Variants in YY1 observed in about 807,000 individuals in gnomAD.
YY1 encodes transcriptional repressor protein YY1.
A neutral mutation model predicts 35.6 loss-of-function variants in YY1; 2 were observed. The ratio of observed to expected loss-of-function variants is 0.06; its 90% CI spans 0.02 to 0.18. YY1 has a LOEUF of 0.18. YY1 is among the 10% of genes least tolerant of loss of function. YY1 has a pLI of 1.00. For synonymous variants in YY1, 268 were observed against 238.9 expected, an observed-to-expected ratio of 1.12 and a Z score of -1.12; for missense variants, 322 against 573.4, an observed-to-expected ratio of 0.56 and a Z score of 4.48.
chr14:100,249,773 TTTGTTTTTG>T (rs1890897212), intron 1 of YY1, among the ~76,000 whole-genome samples: 2 of 150,478 alleles, frequency 1.3e-5, no homozygotes, highest in African/African-American at 4.9e-5. Context: ...TGTTTTTGTT[TTTGTTTTTG>T]TTTTTTTTTG....
chr14:100,257,025 C>G (rs749204475), intron 1 of YY1, among the ~76,000 whole-genome samples: 39 of 151,980 alleles, frequency 2.6e-4, no homozygotes, highest in Non-Finnish European at 4.9e-4. Context: ...TTTTAGTGAC[C>G]ATCCTGAGGG....
chr14:100,271,726 C>T (rs943928506), intron 2 of YY1, among the ~76,000 whole-genome samples: 11 of 152,116 alleles, frequency 7.2e-5, no homozygotes, highest in African/African-American at 2.2e-4. Context: ...TGGATCGCAG[C>T]CTCAAATTCC....
At chr14:100,246,262 G>GAGGAT (rs1890831904) in intron 1 of YY1, among the ~76,000 whole-genome samples, 1 of 152,234 alleles carries the variant, frequency 6.6e-6, no homozygotes, top group Non-Finnish European at 1.5e-5. Flanking sequence ...CATGGCTAAT[G>GAGGAT]AGGATAGCAC....
At chr14:100,242,378 G>GTTTTTTTTTTTTT (rs57406488) in intron 1 of YY1, among the ~76,000 whole-genome samples, 2 of 109,962 alleles carry the variant, frequency 1.8e-5, no homozygotes, top group African/African-American at 3.1e-5. Context: ...TTTGTTTTTT[G>GTTTTTTTTTTTTT]TTTTTTTTTT....
In YY1 at chr14:100,279,126, A is replaced by G. The variant is rs541481821; in HGVS notation, c.*1526A>G. 6.6e-6 allele frequency: 1 copy of G among 152,390 alleles called. No homozygotes were observed. The highest frequency in any genetic ancestry group is 2.4e-5 in the African/African-American group (1 of 41,598). The allele number at this position is 152,390 out of a possible 1,614,324, so 9.4% of individuals were successfully genotyped here. A position where few individuals can be genotyped will look rare whatever the true frequency, so the allele number is the denominator to read the frequency against. ...TCTCACATTGTAACCTCTTAAATGTACGATTATAATGTTGGATCTTAGGTC... is the reference window on the plus strand; with the variant it reads ...TCTCACATTGTAACCTCTTAAATGTGCGATTATAATGTTGGATCTTAGGTC... On this transcript the variant is annotated 3_prime_UTR_variant, in exon 5 of 5. Coordinates refer to ENST00000262238, the MANE Select transcript of YY1 (RefSeq NM_003403.5).
chr14:100,245,942 C>G (rs1201243523), intron 1 of YY1, among the ~76,000 whole-genome samples: 1 of 152,156 alleles, frequency 6.6e-6, no homozygotes, highest in East Asian at 1.9e-4. Context: ...TAATTATAAA[C>G]TAAGCCACTT....
At chr14:100,240,058 G>A (rs1227103341) in intron 1 of YY1, 135 bp downstream of exon 1, 5 of 779,530 alleles carry the variant, frequency 6.4e-6, no homozygotes, top group South Asian at 6.2e-5. Context: ...CGGGCCGTGC[G>A]GCGGCGGGGG....
chr14:100,273,409 T>C (rs1410697594), intron 2 of YY1, among the ~76,000 whole-genome samples: 1 of 152,242 alleles, frequency 6.6e-6, no homozygotes, highest in African/African-American at 2.4e-5. Flanking sequence ...TGCCTTCGGC[T>C]TCCCGAGTGG....
chr14:100,251,400 C>T (rs1890922330), intron 1 of YY1, among the ~76,000 whole-genome samples: 1 of 152,210 alleles, frequency 6.6e-6, no homozygotes, highest in Admixed American at 6.5e-5. Flanking sequence ...ACCCACACAA[C>T]AACTTTATAG....
intron 1 of YY1, among the ~76,000 whole-genome samples, chr14:100,261,087 G>C (rs780732597): frequency 2.6e-5 from 4 of 152,004 alleles, no homozygotes; most frequent in Non-Finnish European, 5.9e-5. Flanking sequence ...ATGAGCCACT[G>C]CACCTGGCCT....
intron 1 of YY1, among the ~76,000 whole-genome samples, chr14:100,248,301 T>G (rs1890866825): frequency 6.6e-6 from 1 of 151,794 alleles, no homozygotes; most frequent in Non-Finnish European, 1.5e-5. Flanking sequence ...CTTTGTATTT[T>G]TTAGTAGAGA....
In YY1 at chr14:100,242,378, GTTTTTTTTT is replaced by G. The variant is rs57406488; in HGVS notation, c.679+2475_679+2483del. Among the ~76,000 whole-genome samples the G allele has an allele frequency of 3.8e-4, 42 of 109,962 alleles. 1 individual carries two copies. The South Asian group carries it at 6.1e-3, about 16-fold the overall frequency. 72.1% of individuals were successfully genotyped at this position (109,962 alleles called of 152,430 possible). A position where few individuals can be genotyped will look rare whatever the true frequency, so the allele number is the denominator to read the frequency against. ...AAGTGGCTGTTTTGTTTTGTTTTTT[GTTTTTTTTT>G]TTTTTTTTTTTTTTTTTTTGAGATG... On this transcript the variant is annotated intron_variant, in intron 1 of 4. Transcript: ENST00000262238.
chr14:100,244,859 T>G (rs1383819746), intron 1 of YY1, among the ~76,000 whole-genome samples: 4 of 151,986 alleles, frequency 2.6e-5, no homozygotes, highest in African/African-American at 9.7e-5. Flanking sequence ...GTGCCTGACC[T>G]CTTTATTTTT....
At chr14:100,242,960 G>T (rs1472710554) in intron 1 of YY1, among the ~76,000 whole-genome samples, 1 of 152,172 alleles carries the variant, frequency 6.6e-6, no homozygotes, top group Admixed American at 6.6e-5. Flanking sequence ...TAGTGTGGTA[G>T]AGTACGCTGT....
Position 100,239,181 on chromosome 14 carries a change from TCGCC to T in YY1, c.-52_-49del, listed in dbSNP as rs1022048688. On this transcript the variant is annotated 5_prime_UTR_variant, in exon 1 of 5. Transcript: ENST00000262238. Reference sequence around the variant, plus strand: ...TCCTTCCCCACGGCCGGCCGCCTCCTCGCCCGCCCGCCCGCAGCCGAGGAGCCGA... The same window carrying T: ...TCCTTCCCCACGGCCGGCCGCCTCCTCGCCCGCCCGCAGCCGAGGAGCCGA... The T allele has an allele frequency of 5.0e-5, 62 of 1,235,940 alleles. No homozygotes were observed. Among genetic ancestry groups the T allele is most frequent in the South Asian group, 2.0e-4 (10 of 49,750 alleles). 76.6% of individuals were successfully genotyped at this position (1,235,940 alleles called of 1,614,324 possible).
At chr14:100,254,167 A>G (rs1276333958) in intron 1 of YY1, among the ~76,000 whole-genome samples, 2 of 152,194 alleles carry the variant, frequency 1.3e-5, no homozygotes, top group African/African-American at 2.4e-5. Context: ...AAAGAAACAT[A>G]TGTACATATG....
In YY1 at chr14:100,280,865, T is replaced by C. The variant is rs10151514; in HGVS notation, c.*3265T>C. 0.94 allele frequency: 142,072 copies of C among 151,862 alleles called. 66,724 individuals are homozygous for C. Among genetic ancestry groups the C allele is most frequent in the East Asian group, 1 (5,152 of 5,156 alleles). The allele number at this position is 151,862 out of a possible 1,614,324, so 9.4% of individuals were successfully genotyped here. A position where few individuals can be genotyped will look rare whatever the true frequency, so the allele number is the denominator to read the frequency against. On this transcript the variant is annotated 3_prime_UTR_variant, in exon 5 of 5. Coordinates refer to ENST00000262238, the MANE Select transcript of YY1 (RefSeq NM_003403.5). ...TTGCAAAACTTACTGTGGAGACGTG[T>C]CCCAGACTGGTCTCAGACCAGAGTT... is the stretch of plus-strand genomic sequence containing the variant.
chr14:100,277,855 A>T lies in YY1; in HGVS notation c.*255A>T. 6.2e-6 allele frequency: 3 copies of T among 480,138 alleles called. No individual in the cohort carries two copies. In the South Asian group the frequency reaches 7.6e-5, roughly 12 times the overall value. The allele number at this position is 480,138 out of a possible 1,614,324, so 29.7% of individuals were successfully genotyped here. On this transcript the variant is annotated 3_prime_UTR_variant, in exon 5 of 5. Transcript: ENST00000262238. The surrounding 1 kb of genome is among the most constrained non-coding windows in gnomAD (Gnocchi z 5.6). ...CAGTGTTTTTGTAAAGTGTGGTCCC[A>T]ACAGGAGGACAATTCATGAACTTCG... is the stretch of plus-strand genomic sequence containing the variant.
At chr14:100,250,328 C>G (rs1890905378) in intron 1 of YY1, among the ~76,000 whole-genome samples, 1 of 152,132 alleles carries the variant, frequency 6.6e-6, no homozygotes, top group African/African-American at 2.4e-5. Flanking sequence ...TCCCCTGTTT[C>G]AGTGAAAGGT....
Sources: allele counts gnomAD v4.1 joint callset (sites outside exome capture counted in the v4.1 genomes callset), GRCh38; gene constraint gnomAD v4.1.1; non-coding constraint Gnocchi (gnomAD v3.1); transcripts MANE v1.5; gene names NCBI Gene and HGNC (gene_info 2026-07-23, HGNC 2026-07-21).